Variants in PDE1C observed in about 807,000 individuals in gnomAD.
PDE1C encodes phosphodiesterase 1C.
Under a neutral mutation model 93.1 loss-of-function variants are expected in PDE1C, and 62 were observed. That is an observed-to-expected ratio of 0.67 (90% CI 0.54 to 0.82). The LOEUF is 0.82. Ranked by LOEUF, PDE1C falls within the 40% of genes least tolerant of loss-of-function variation. The probability of loss-of-function intolerance (pLI) is 0.00; values close to 1 mark genes in which losing one functional copy is unlikely to be tolerated. For missense variants in PDE1C, 742 were observed against 884.6 expected (o/e 0.84, Z 2.04); for synonymous variants, 325 against 310.1 (o/e 1.05, Z -0.50).
At chr7:32,156,172 AATATTTGTTAC>A (rs1354893904) in intron 3 of PDE1C, among the ~76,000 whole-genome samples, 1 of 151,770 alleles carries the variant, frequency 6.6e-6, no homozygotes, top group African/African-American at 2.4e-5. Flanking sequence ...GCAGGACATG[AATATTTGTTAC>A]ATAGGTAAAT....
intron 2 of PDE1C, among the ~76,000 whole-genome samples, chr7:32,171,607 T>A (rs1365079726): frequency 6.6e-6 from 1 of 151,082 alleles, no homozygotes; most frequent in Non-Finnish European, 1.5e-5. Flanking sequence ...TTACTTAATG[T>A]TATTATTATA....
At chr7:32,232,467 AT>A (rs1445080334) in intron 1 of PDE1C, among the ~76,000 whole-genome samples, 1 of 152,138 alleles carries the variant, frequency 6.6e-6, no homozygotes, top group African/African-American at 2.4e-5. Context: ...CCCCCATTGC[AT>A]TTTTTATCTC....
intron 2 of PDE1C, among the ~76,000 whole-genome samples, chr7:32,198,085 C>T (rs1163167303): frequency 6.6e-6 from 1 of 152,080 alleles, no homozygotes; most frequent in Admixed American, 6.5e-5. Context: ...TATATTCATT[C>T]TTCTTTCTGG....
downstream of PDE1C, among the ~76,000 whole-genome samples, chr7:31,749,189 C>T (rs1227142366): frequency 6.6e-6 from 1 of 151,992 alleles, no homozygotes; most frequent in Non-Finnish European, 1.5e-5. Context: ...AATTTGCATT[C>T]TCTAAGCACC....
intron 2 of PDE1C, among the ~76,000 whole-genome samples, chr7:31,945,066 TC>T (rs1806423213): frequency 6.6e-6 from 1 of 152,166 alleles, no homozygotes; most frequent in Non-Finnish European, 1.5e-5. Context: ...TTTCGTGGTG[TC>T]CCTAGAATGT....
the PDE1C span, among the ~76,000 whole-genome samples, chr7:31,708,624 A>G: frequency 6.6e-6 from 1 of 152,268 alleles, no homozygotes; most frequent in Non-Finnish European, 1.5e-5. Context: ...TTAACAATCC[A>G]GTCAGGAGAA....
chr7:31,950,135 C>T (rs996554005), intron 2 of PDE1C, among the ~76,000 whole-genome samples: 1 of 152,168 alleles, frequency 6.6e-6, no homozygotes, highest in African/African-American at 2.4e-5. Context: ...TTAGCATAGT[C>T]CTCAAGCTAT....
chr7:31,692,249 G>C, the PDE1C span, among the ~76,000 whole-genome samples: 11,862 of 152,180 alleles, frequency 0.078, 562 homozygotes, highest in Non-Finnish European at 0.11. Context: ...CTCAAGTTTA[G>C]AGTTTCTAAT....
intron 16 of PDE1C, among the ~76,000 whole-genome samples, 175 bp from the exon 17 acceptor site, chr7:31,775,907 G>C (rs1367110741): frequency 6.6e-6 from 1 of 152,182 alleles, no homozygotes; most frequent in South Asian, 2.1e-4. Flanking sequence ...TGGGAGCATC[G>C]CCTTTGCCTT....
At chr7:32,060,509 T>C (rs1366555743) in intron 1 of PDE1C, among the ~76,000 whole-genome samples, 1 of 152,128 alleles carries the variant, frequency 6.6e-6, no homozygotes, top group Non-Finnish European at 1.5e-5. Context: ...ATCTCAACAA[T>C]TTAAATATGG....
chr7:32,358,294 T>G (rs1046482169), intron 1 of PDE1C, among the ~76,000 whole-genome samples: 1 of 152,208 alleles, frequency 6.6e-6, no homozygotes, highest in Admixed American at 6.5e-5. Flanking sequence ...ATGTTTGTTC[T>G]TCGGAACTTA....
At chr7:32,419,977 C>A (rs1313098156) in intron 1 of PDE1C, among the ~76,000 whole-genome samples, 1 of 149,004 alleles carries the variant, frequency 6.7e-6, no homozygotes, top group African/African-American at 2.5e-5. Context: ...GTAATCCCAG[C>A]AGTTTGGGAG....
chr7:32,070,318 TC>T lies in PDE1C; in HGVS notation c.75del (p.Ile27SerfsTer8), dbSNP rs1472505549. 6.2e-7 allele frequency: 1 copy of T among 1,614,232 alleles called. No homozygotes were observed. Among genetic ancestry groups the T allele is most frequent in the Admixed American group, 1.7e-5 (1 of 60,036 alleles). On this transcript the variant is annotated frameshift_variant, in exon 1 of 18. Transcript: ENST00000396191. LOFTEE classifies it high-confidence loss of function. ...AGCCCGCGGAGCCGAAGCCAGATTT[TC>T]TCGATCTGTTCCGGTTGCAGGTATT... is the stretch of plus-strand genomic sequence containing the variant. Reference protein sequence around the residue: ...SLKYLQPEQIEKIWLRLRGLR... With the variant: ...SLKYLQPEQIXKIWLRLRGLR...
chr7:31,651,316 T>C, the PDE1C span: 3 of 1,594,928 alleles, frequency 1.9e-6, no homozygotes, highest in South Asian at 1.1e-5. Context: ...CCCACACACC[T>C]GGAGCAAGGA....
the PDE1C span, among the ~76,000 whole-genome samples, chr7:31,631,816 T>C: frequency 6.6e-6 from 1 of 152,232 alleles, no homozygotes; most frequent in Non-Finnish European, 1.5e-5. Context: ...CCTGAGACTT[T>C]TGGCATAGAA....
intron 3 of PDE1C, among the ~76,000 whole-genome samples, chr7:32,142,224 C>T (rs541308960): frequency 6.6e-6 from 1 of 151,820 alleles, no homozygotes; most frequent in Non-Finnish European, 1.5e-5. Context: ...GGAGAAGGAA[C>T]AATAGGAAGA....
intron 2 of PDE1C, among the ~76,000 whole-genome samples, chr7:32,006,782 G>T (rs1786324109): frequency 6.6e-6 from 1 of 152,206 alleles, no homozygotes; most frequent in Non-Finnish European, 1.5e-5. Flanking sequence ...GAGAGAAATT[G>T]TGGCCCATGA....
At chr7:31,834,457 C>T (rs567550524) in intron 11 of PDE1C, among the ~76,000 whole-genome samples, 96 of 152,264 alleles carry the variant, frequency 6.3e-4, no homozygotes, top group Non-Finnish European at 1.2e-3. Flanking sequence ...CTGGAAAAGC[C>T]ACAGGGACAG....
chr7:32,374,405 C>T (rs1051429080), intron 1 of PDE1C, among the ~76,000 whole-genome samples: 1 of 152,206 alleles, frequency 6.6e-6, no homozygotes, highest in African/African-American at 2.4e-5. Context: ...CACTATGTGA[C>T]CTCCAGGGCT....
Sources: allele counts gnomAD v4.1 joint callset (sites outside exome capture counted in the v4.1 genomes callset), GRCh38; gene constraint gnomAD v4.1.1; transcripts MANE v1.5; gene names NCBI Gene and HGNC (gene_info 2026-07-23, HGNC 2026-07-21).